The following TENM3 variants were observed in gnomAD, a reference collection of about 807,000 sequenced individuals.
TENM3 encodes teneurin transmembrane protein 3.
Under a neutral mutation model 255.1 loss-of-function variants are expected in TENM3, and 63 were observed. The ratio of observed to expected loss-of-function variants is 0.25; its 90% confidence interval spans 0.20 to 0.30. TENM3 has a LOEUF of 0.30. TENM3 is among the 10% of genes least tolerant of loss of function. The pLI, the probability that TENM3 is intolerant of heterozygous loss-of-function variation, is 1.00. For synonymous variants in TENM3, 1,306 were observed against 1,322.3 expected (o/e 0.99, Z 0.27); for missense variants, 2,929 against 3,461.1 (o/e 0.85, Z 3.86).
At chr4:181,921,055 G>A in the TENM3 span, among the ~76,000 whole-genome samples, 76 of 152,140 alleles carry the variant, frequency 5.0e-4, 1 homozygote, top group Middle Eastern at 0.014. Context: ...GATATTTGGC[G>A]TTATTTCTGA....
chr4:181,625,855 T>C, the TENM3 span, among the ~76,000 whole-genome samples: 47 of 151,888 alleles, frequency 3.1e-4, no homozygotes, highest in African/African-American at 1.1e-3. Context: ...AATAATATTG[T>C]ATATCTTGAA....
Position 182,517,577 on chromosome 4 carries a change from G to A in TENM3, c.512-83347G>A, listed in dbSNP as rs981180013. 2.2e-5 allele frequency among the ~76,000 whole-genome samples: 3 copies of A among 139,144 alleles called. 1 individual carries two copies. Among genetic ancestry groups the A allele is most frequent in the Non-Finnish European group, 4.7e-5 (3 of 64,198 alleles). The allele number at this position is 139,144 out of a possible 152,430, so 91.3% of individuals were successfully genotyped here. On this transcript the variant is annotated intron_variant, in intron 3 of 27. Transcript: ENST00000511685. ...TTTTTGTATTTTTAGTAGAGACGGG[G>A]TTTCACCGTGTTAGCCAGGATGGTC...
intron 1 of TENM3, among the ~76,000 whole-genome samples, chr4:182,155,799 C>T (rs1327772564): frequency 1.3e-5 from 2 of 151,936 alleles, no homozygotes; most frequent in Admixed American, 1.3e-4. Flanking sequence ...ATTGTCTGAT[C>T]GAGAAACATT....
intron 3 of TENM3, among the ~76,000 whole-genome samples, chr4:182,375,055 A>C (rs1229968341): frequency 3.3e-5 from 5 of 152,166 alleles, no homozygotes; most frequent in African/African-American, 1.2e-4. Context: ...CACTCTTTGC[A>C]GATCAAAATC....
At chr4:182,339,154 A>G (rs1764320003) in intron 2 of TENM3, among the ~76,000 whole-genome samples, 1 of 152,228 alleles carries the variant, frequency 6.6e-6, no homozygotes, top group Non-Finnish European at 1.5e-5. Flanking sequence ...AGTTTTATGA[A>G]AAAAGACAAA....
the TENM3 span, among the ~76,000 whole-genome samples, chr4:181,464,201 T>G: frequency 6.6e-6 from 1 of 152,212 alleles, no homozygotes; most frequent in Non-Finnish European, 1.5e-5. Context: ...TGGCAAATCA[T>G]TGCTTACCAT....
At chr4:182,005,517 T>A in the TENM3 span, among the ~76,000 whole-genome samples, 1 of 152,216 alleles carries the variant, frequency 6.6e-6, no homozygotes, top group Non-Finnish European at 1.5e-5. Context: ...TCTCCAGCTT[T>A]TCTCTTTTTG....
chr4:182,798,361 A>G (rs889700113), intron 27 of TENM3, among the ~76,000 whole-genome samples: 1 of 152,180 alleles, frequency 6.6e-6, no homozygotes. Context: ...AGTACTTACC[A>G]TGGTGTTACA....
rs1269550795 is a variant in TENM3, at chr4:182,161,624, T to C, written c.-76+16870T>C. Among the ~76,000 whole-genome samples the C allele has an allele frequency of 1.7e-4, 15 of 90,044 alleles. 1 individual carries two copies. The highest frequency in any genetic ancestry group is 6.7e-4 in the East Asian group (1 of 1,484). The allele number at this position is 90,044 out of a possible 152,430, so 59.1% of individuals were successfully genotyped here. A position where few individuals can be genotyped will look rare whatever the true frequency, so the allele number is the denominator to read the frequency against. On this transcript the variant is annotated intron_variant, in intron 1 of 2. Coordinates refer to the TENM3 transcript ENST00000512480. ...ACATATATATATATGTATATATATA[T>C]ACAAATATATATATGTATATATATA...
chr4:181,785,870 G>A, the TENM3 span, among the ~76,000 whole-genome samples: 20 of 151,698 alleles, frequency 1.3e-4, no homozygotes, highest in Admixed American at 1.1e-3. Context: ...TAAGTAAAGC[G>A]GAATAGTCTC....
At chr4:181,937,448 G>A in the TENM3 span, among the ~76,000 whole-genome samples, 1 of 152,210 alleles carries the variant, frequency 6.6e-6, no homozygotes, top group Admixed American at 6.5e-5. Flanking sequence ...TAGGCTGATG[G>A]TAGCTTAGCC....
At chr4:181,760,235 A>G in the TENM3 span, among the ~76,000 whole-genome samples, 2 of 152,142 alleles carry the variant, frequency 1.3e-5, no homozygotes, top group Non-Finnish European at 2.9e-5. Flanking sequence ...TTTAAAACAT[A>G]TCATCATTAA....
Position 182,552,560 on chromosome 4 carries a change from A to T in TENM3, c.512-48364A>T, listed in dbSNP as rs1742159116. ...AGAGTGTTCTGAGAGCTACCAAGCTAATTAAAGGATTAGAAAATGAGACTC... is the reference window on the plus strand; with the variant it reads ...AGAGTGTTCTGAGAGCTACCAAGCTTATTAAAGGATTAGAAAATGAGACTC... On this transcript the variant is annotated intron_variant, in intron 3 of 27. Coordinates refer to ENST00000511685, the MANE Select transcript of TENM3 (RefSeq NM_001080477.4). Among the ~76,000 whole-genome samples the T allele has an allele frequency of 2.0e-5, 3 of 152,204 alleles. No individual in the cohort carries two copies. In the South Asian group the frequency reaches 6.2e-4, roughly 31 times the overall value.
the TENM3 span, among the ~76,000 whole-genome samples, chr4:182,078,501 A>G: frequency 2.6e-5 from 4 of 152,136 alleles, no homozygotes; most frequent in Admixed American, 6.5e-5. Flanking sequence ...CATCCTGGAC[A>G]ACAGAGCGAG....
At chr4:182,570,345 CGAA>C (rs1178372078) in intron 3 of TENM3, among the ~76,000 whole-genome samples, 1 of 152,016 alleles carries the variant, frequency 6.6e-6, no homozygotes, top group Non-Finnish European at 1.5e-5. Flanking sequence ...AGGAAAAAAA[CGAA>C]GTAGATTTGC....
intron 19 of TENM3, among the ~76,000 whole-genome samples, chr4:182,745,476 C>T (rs1398493969): frequency 6.6e-6 from 1 of 152,170 alleles, no homozygotes; most frequent in Non-Finnish European, 1.5e-5. Context: ...AAAAAACTAT[C>T]AAAGCAGCTA....
chr4:182,604,356 A>ACCGATTG (rs1179131875), intron 4 of TENM3, among the ~76,000 whole-genome samples: 1 of 152,252 alleles, frequency 6.6e-6, no homozygotes, highest in Non-Finnish European at 1.5e-5. Context: ...GTCCCTATGT[A>ACCGATTG]TAATACCAAG....
the TENM3 span, among the ~76,000 whole-genome samples, chr4:181,577,163 AAT>A: frequency 7.5e-6 from 1 of 133,542 alleles, no homozygotes; most frequent in Non-Finnish European, 1.5e-5. Flanking sequence ...ATATATAAAT[AAT>A]ATATATTATA....
At chr4:181,450,289 G>A in the TENM3 span, among the ~76,000 whole-genome samples, 7 of 152,026 alleles carry the variant, frequency 4.6e-5, no homozygotes, top group Non-Finnish European at 8.8e-5. Context: ...TTATGATAAC[G>A]TTTTTGGAGT....
Sources: gnomAD v4.1 joint callset for allele counts (sites outside exome capture counted in the v4.1 genomes callset) on GRCh38, gnomAD v4.1.1 for gene constraint, MANE v1.5 for transcripts, NCBI Gene and HGNC (gene_info 2026-07-23, HGNC 2026-07-21) for gene names.